Variants in FAM135B observed in about 807,000 individuals in gnomAD.
FAM135B encodes the protein family with sequence similarity 135 member B.
In FAM135B, 43 loss-of-function variants were observed where a neutral mutation model predicts 127.7. The ratio of observed to expected loss-of-function variants is 0.34; its 90% CI spans 0.26 to 0.43. The LOEUF is 0.43. Ranked by LOEUF, FAM135B falls within the 20% of genes least tolerant of loss-of-function variation. FAM135B has a pLI of 1.00. For synonymous variants in FAM135B, 670 were observed against 665.1 expected (o/e 1.01, Z -0.11); for missense variants, 1,558 against 1,725.6 (o/e 0.90, Z 1.72).
At chr8:138,139,373 C>T (rs572539584) in intron 17 of FAM135B, among the ~76,000 whole-genome samples, 4 of 151,966 alleles carry the variant, frequency 2.6e-5, no homozygotes, top group Non-Finnish European at 5.9e-5. Flanking sequence ...AATCTCCTTC[C>T]GAAAAAGAAG....
chr8:138,225,490 AAAG>A (rs2130113832), intron 7 of FAM135B, among the ~76,000 whole-genome samples: 1 of 152,162 alleles, frequency 6.6e-6, no homozygotes, highest in South Asian at 2.1e-4. Flanking sequence ...AAACAAAAAC[AAAG>A]AAGAAAAAGA....
intron 7 of FAM135B, among the ~76,000 whole-genome samples, chr8:138,240,983 T>C (rs908508767): frequency 5.3e-5 from 8 of 152,214 alleles, no homozygotes; most frequent in Non-Finnish European, 8.8e-5. Context: ...TCTGACGTTC[T>C]GAGGGCCAGC....
intron 12 of FAM135B, among the ~76,000 whole-genome samples, chr8:138,159,892 T>A (rs576610227): frequency 6.6e-6 from 1 of 152,324 alleles, no homozygotes; most frequent in East Asian, 1.9e-4. Flanking sequence ...CAGGGACTCA[T>A]GATGCATGCT....
At chr8:138,375,150 A>G (rs1203293227) in intron 1 of FAM135B, among the ~76,000 whole-genome samples, 1 of 152,140 alleles carries the variant, frequency 6.6e-6, no homozygotes, top group Non-Finnish European at 1.5e-5. Context: ...AAAACTGCAC[A>G]TGTAGCTGAT....
At chr8:138,445,204 A>G (rs1286755279) in intron 1 of FAM135B, among the ~76,000 whole-genome samples, 1 of 152,256 alleles carries the variant, frequency 6.6e-6, no homozygotes, top group Non-Finnish European at 1.5e-5. Flanking sequence ...ACGGATTCAC[A>G]GCCAAATTCT....
At chr8:138,428,000 A>G (rs1437426870) in intron 1 of FAM135B, among the ~76,000 whole-genome samples, 3 of 152,122 alleles carry the variant, frequency 2.0e-5, no homozygotes, top group East Asian at 1.9e-4. Flanking sequence ...TTTAACTCCC[A>G]TGATACTTTG....
chr8:138,288,510 A>T (rs926541243), intron 3 of FAM135B, among the ~76,000 whole-genome samples: 3 of 152,060 alleles, frequency 2.0e-5, no homozygotes, highest in African/African-American at 7.2e-5. Flanking sequence ...ACAGAGGGAA[A>T]AGCAGAGACA....
intron 3 of FAM135B, among the ~76,000 whole-genome samples, chr8:138,305,756 T>G (rs1306138499): frequency 1.3e-5 from 2 of 152,154 alleles, no homozygotes; most frequent in African/African-American, 4.8e-5. Context: ...TCAGTTTTGA[T>G]CCAAATGTCA....
intron 12 of FAM135B, among the ~76,000 whole-genome samples, chr8:138,163,924 G>C (rs904256970): frequency 2.6e-5 from 4 of 152,134 alleles, no homozygotes; most frequent in African/African-American, 9.7e-5. Flanking sequence ...AAACTCCTGG[G>C]CTCAAGCAAA....
At chr8:138,444,829 C>CA (rs1427620296) in intron 1 of FAM135B, among the ~76,000 whole-genome samples, 1 of 151,916 alleles carries the variant, frequency 6.6e-6, no homozygotes, top group African/African-American at 2.4e-5. Flanking sequence ...GATAGAGACA[C>CA]AAAAAACCCT....
At chr8:138,437,068 T>G (rs990072629) in intron 1 of FAM135B, 4 of 152,186 alleles carry the variant, frequency 2.6e-5, no homozygotes, top group African/African-American at 7.2e-5. Flanking sequence ...CGGTGTTACT[T>G]CATCTCCTCT....
intron 1 of FAM135B, among the ~76,000 whole-genome samples, chr8:138,402,486 T>C (rs539099994): frequency 1.5e-3 from 221 of 152,176 alleles, no homozygotes; most frequent in Middle Eastern, 3.2e-3. Flanking sequence ...GTCTGCACCC[T>C]CAAATAACCA....
At chr8:138,276,711 C>T (rs769709918) in intron 3 of FAM135B, among the ~76,000 whole-genome samples, 39 of 152,322 alleles carry the variant, frequency 2.6e-4, no homozygotes, top group South Asian at 1.2e-3. Flanking sequence ...TTGGTCCCCT[C>T]CCTTCTGTCC....
chr8:138,427,884 A>G (rs978706275), intron 1 of FAM135B, among the ~76,000 whole-genome samples: 2 of 152,146 alleles, frequency 1.3e-5, no homozygotes, highest in Admixed American at 6.6e-5. Flanking sequence ...AATATGCCCC[A>G]TGGATTTCTC....
chr8:138,288,790 A>G (rs1274990115), intron 3 of FAM135B, among the ~76,000 whole-genome samples: 2 of 152,234 alleles, frequency 1.3e-5, no homozygotes, highest in Non-Finnish European at 2.9e-5. Context: ...GCAAAAAGAT[A>G]AAATTCCTCA....
intron 3 of FAM135B, among the ~76,000 whole-genome samples, chr8:138,271,884 T>A (rs915229195): frequency 2.6e-5 from 4 of 152,332 alleles, no homozygotes; most frequent in Middle Eastern, 3.4e-3. Flanking sequence ...CCTTACATCG[T>A]TGAGTATGGT....
At chr8:138,394,345 C>T (rs1420601880) in intron 1 of FAM135B, among the ~76,000 whole-genome samples, 1 of 152,054 alleles carries the variant, frequency 6.6e-6, no homozygotes, top group African/African-American at 2.4e-5. Context: ...TGTGCTGTAC[C>T]ACATCATCTC....
At chr8:138,189,013 G>A (rs11985216) in intron 9 of FAM135B, among the ~76,000 whole-genome samples, 9,145 of 152,244 alleles carry the variant, frequency 0.06, 631 homozygotes, top group African/African-American at 0.17. Flanking sequence ...ATGCATTTCT[G>A]TTTTCCTGCT....
intron 2 of FAM135B, among the ~76,000 whole-genome samples, chr8:138,332,981 GCGCA>G (rs1411493451): frequency 6.8e-6 from 1 of 147,210 alleles, no homozygotes; most frequent in African/African-American, 2.7e-5. Flanking sequence ...GATTTGGAAA[GCGCA>G]CACACACACA....
Sources: allele counts gnomAD v4.1 joint callset (sites outside exome capture counted in the v4.1 genomes callset), GRCh38; gene constraint gnomAD v4.1.1; transcripts MANE v1.5; gene names NCBI Gene and HGNC (gene_info 2026-07-23, HGNC 2026-07-21).